The following NPM1 variants were observed in gnomAD, a reference collection of about 807,000 sequenced individuals.
The protein encoded by NPM1 is nucleophosmin.
A neutral mutation model predicts 44.1 loss-of-function variants in NPM1; 1 was observed. That is an observed-to-expected ratio of 0.02 (90% CI 0.01 to 0.11). NPM1 has a LOEUF of 0.11. NPM1 is among the 10% of genes least tolerant of loss of function. The pLI is 1.00. For synonymous variants in NPM1, 126 were observed against 111.8 expected, an observed-to-expected ratio of 1.13 and a Z score of -0.80; for missense variants, 197 against 347.8, an observed-to-expected ratio of 0.57 and a Z score of 3.45.
chr5:171,403,320 G>A (rs1771336051), intron 8 of NPM1, among the ~76,000 whole-genome samples: 1 of 84,802 alleles, frequency 1.2e-5, no homozygotes, highest in Admixed American at 1.2e-4. Flanking sequence ...CACAGGGTTG[G>A]GGGTAAGGTC....
At chr5:171,398,233 T>G (rs1024686287) in intron 6 of NPM1, among the ~76,000 whole-genome samples, 6 of 152,252 alleles carry the variant, frequency 3.9e-5, no homozygotes, top group Non-Finnish European at 7.3e-5. Context: ...CCGATTTCTT[T>G]TGTTGCTTGT....
chr5:171,404,110 C>T (rs28469133), intron 8 of NPM1, among the ~76,000 whole-genome samples: 7 of 72,728 alleles, frequency 9.6e-5, no homozygotes, highest in South Asian at 6.3e-4. Flanking sequence ...CCCTCCCGGA[C>T]GGCACGGCTG....
intron 6 of NPM1, among the ~76,000 whole-genome samples, chr5:171,393,417 T>C (rs537931493): frequency 7.9e-5 from 12 of 152,362 alleles, no homozygotes; most frequent in African/African-American, 2.4e-4. Context: ...TTTTGTCTTA[T>C]GGTTTTATGT....
In NPM1 at chr5:171,392,733, G is replaced by A; in HGVS notation, c.376G>A (p.Glu126Lys). 1 of 1,612,460 alleles carries A rather than the reference G, an allele frequency of 6.2e-7. No individual in the cohort carries two copies. The highest frequency in any genetic ancestry group is 8.5e-7 in the Non-Finnish European group (1 of 1,178,784). Reference protein sequence around the residue: ...LVAVEEDAESEDEEEEDVKLL... With the variant: ...LVAVEEDAESKDEEEEDVKLL... The stretch of plus-strand genomic sequence containing the variant: ...AGCTGTGGAGGAAGATGCAGAGTCA[G>A]AAGATGAAGAGGAGGAGGATGTGAA... The change falls in exon 5 of 11, where the codon GAA becomes AAA. Residue 126 changes from glutamate (E) to lysine (K), a missense_variant. Coordinates refer to ENST00000296930, the MANE Select transcript of NPM1 (RefSeq NM_002520.7).
At position 171,390,102 on chromosome 5, in the gene NPM1, A is replaced by G; in HGVS notation, c.110A>G (p.Glu37Gly). The change falls in exon 2 of 11, where the codon GAA becomes GGA. Residue 37 changes from glutamate to glycine, a missense_variant. Physicochemically the swap from Glu to Gly is moderately conservative, Grantham distance 98. Transcript: ENST00000296930. ...TATCACTTTAAGGTGGATAATGATG[A>G]AAATGAGCACCAGTTATCTTTAAGA... is the stretch of plus-strand genomic sequence containing the variant. ...KDYHFKVDND[E>G]NEHQLSLRTV... 6.3e-7 allele frequency: 1 copy of G among 1,577,460 alleles called. No individual in the cohort carries two copies. Among genetic ancestry groups the G allele is most frequent in the Non-Finnish European group, 8.6e-7 (1 of 1,164,628 alleles).
upstream of NPM1, chr5:171,387,844 G>A (rs573534099): frequency 3.6e-5 from 39 of 1,070,436 alleles, no homozygotes; most frequent in South Asian, 1.8e-4. Context: ...CGGGGAGCCT[G>A]CGTCCTTTCC....
chr5:171,398,075 C>T (rs1261843382), intron 6 of NPM1, among the ~76,000 whole-genome samples: 1 of 152,072 alleles, frequency 6.6e-6, no homozygotes, highest in Non-Finnish European at 1.5e-5. Context: ...GCGTGAGCCA[C>T]TGCACTGGGC....
At position 171,390,144 on chromosome 5, in the gene NPM1, C is replaced by A. The variant is rs752277344; in HGVS notation, c.138+14C>A. 59 of 1,399,536 alleles carry A rather than the reference C, an allele frequency of 4.2e-5. No homozygotes were observed. The highest frequency in any genetic ancestry group is 3.7e-5 in the Non-Finnish European group (38 of 1,018,146). The allele number at this position is 1,399,536 out of a possible 1,614,324, so 86.7% of individuals were successfully genotyped here. The stretch of plus-strand genomic sequence containing the variant: ...TCTTTAAGAACGGTACTTAAACTTT[C>A]AAAATAAACTACTTAACCCTACTTG... On this transcript the variant is annotated intron_variant, in intron 2 of 10. Transcript: ENST00000296930.
At chr5:171,391,574 C>T in intron 3 of NPM1, 132 bp from the exon 4 acceptor site, 3 of 1,145,002 alleles carry the variant, frequency 2.6e-6, no homozygotes, top group African/African-American at 1.5e-5. Flanking sequence ...AACATGGGGG[C>T]TTCTGCTGCT....
intron 8 of NPM1, 110 bp from the exon 9 acceptor site, chr5:171,405,192 G>A: frequency 1.6e-6 from 1 of 635,834 alleles, no homozygotes; most frequent in East Asian, 2.8e-5. Context: ...TGTATAATTA[G>A]CTTTATAAGG....
At chr5:171,401,152 G>GTTTGA (rs1771176053) in intron 8 of NPM1, among the ~76,000 whole-genome samples, 1 of 152,076 alleles carries the variant, frequency 6.6e-6, no homozygotes, top group Admixed American at 6.5e-5. Flanking sequence ...GAGGTCAGGA[G>GTTTGA]TTTGAGACTA....
At position 171,405,682 on chromosome 5, in the gene NPM1, G is replaced by T. The variant is rs575044533; in HGVS notation, c.771+279G>T. The T allele has an allele frequency of 4.1e-4, 153 of 376,292 alleles. 2 individuals are homozygous for T. The highest frequency in any genetic ancestry group is 7.1e-4 in the Non-Finnish European group (147 of 208,390). 23.3% of individuals were successfully genotyped at this position (376,292 alleles called of 1,614,324 possible). A position where few individuals can be genotyped will look rare whatever the true frequency, so the allele number is the denominator to read the frequency against. ...CATTCTGACCTTCCATGTTAAAATA[G>T]ATCAGTGAAAACCCTTTGCCTATTC... On this transcript the variant is annotated intron_variant, in intron 9 of 10. Coordinates refer to ENST00000296930, the MANE Select transcript of NPM1 (RefSeq NM_002520.7).
intron 9 of NPM1, chr5:171,405,629 G>A: frequency 1.9e-6 from 1 of 516,902 alleles, no homozygotes. Flanking sequence ...CATTATGCAA[G>A]GAACGTAGTG....
chr5:171,405,763 TACAA>T (rs10590927), intron 9 of NPM1: 72,502 of 230,558 alleles, frequency 0.31, 12,363 homozygotes, highest in East Asian at 0.43. Context: ...TCATTAAAAT[TACAA>T]ACAGCTGGAA....
intron 1 of NPM1, among the ~76,000 whole-genome samples, chr5:171,389,055 C>G (rs1294230434): frequency 3.3e-5 from 5 of 152,206 alleles, no homozygotes. Context: ...TGAGTCAGAT[C>G]AAGACCTAAG....
chr5:171,403,547 C>T (rs1324220682), intron 8 of NPM1, among the ~76,000 whole-genome samples: 4 of 114,870 alleles, frequency 3.5e-5, no homozygotes, highest in Admixed American at 2.6e-4. Context: ...GGGTGGTGGC[C>T]GGGCAGAGGG....
In NPM1 at chr5:171,392,738, T is replaced by G; in HGVS notation, c.381T>G (p.Asp127Glu). The G allele has an allele frequency of 6.2e-7, 1 of 1,612,952 alleles. No homozygotes were observed. Residue 127 changes from aspartate to glutamate, a missense_variant, in exon 5 of 11, where the codon GAT becomes GAG. Physicochemically the swap from Asp to Glu is conservative, Grantham distance 45. Coordinates refer to ENST00000296930, the MANE Select transcript of NPM1 (RefSeq NM_002520.7). ...TGGAGGAAGATGCAGAGTCAGAAGA[T>G]GAAGAGGAGGAGGATGTGAAACTCT... ...VAVEEDAESE[D>E]EEEEDVKLLS...
chr5:171,400,512 A>C (rs1049801047), intron 7 of NPM1, among the ~76,000 whole-genome samples: 1 of 147,854 alleles, frequency 6.8e-6, no homozygotes, highest in Non-Finnish European at 1.5e-5. Flanking sequence ...GCTGGAGTAC[A>C]GTGGCGCGAT....
rs148970417 is a variant in NPM1 at position 171,400,815 on chromosome 5, A to C, written c.583-24A>C. On this transcript the variant is annotated intron_variant, in intron 7 of 10. Coordinates refer to ENST00000296930, the MANE Select transcript of NPM1 (RefSeq NM_002520.7). ...ACTGTTGTTGGGGTCAGGGACAGTGATTAAGATAAATTTCTAATTGCAGTC... is the reference window on the plus strand; with the variant it reads ...ACTGTTGTTGGGGTCAGGGACAGTGCTTAAGATAAATTTCTAATTGCAGTC... The C allele has an allele frequency of 2.0e-6, 3 of 1,488,466 alleles. No individual in the cohort carries two copies. The East Asian group carries it at 6.8e-5, about 34-fold the overall frequency. The allele number at this position is 1,488,466 out of a possible 1,614,324, so 92.2% of individuals were successfully genotyped here.
Sources: allele counts gnomAD v4.1 joint callset (sites outside exome capture counted in the v4.1 genomes callset), GRCh38; gene constraint gnomAD v4.1.1; transcripts MANE v1.5; gene names NCBI Gene and HGNC (gene_info 2026-07-23, HGNC 2026-07-21).